Variants in CDON observed in about 807,000 individuals in gnomAD.
CDON encodes the protein cell adhesion associated, oncogene regulated.
CDON carries 73 observed loss-of-function variants against 120.9 expected under a neutral mutation model. That is an observed-to-expected ratio of 0.60 (90% CI 0.50 to 0.73). The LOEUF is 0.73. Ranked by LOEUF, CDON falls within the 30% of genes least tolerant of loss-of-function variation. The pLI is 0.00. For missense variants in CDON, 1,470 were observed against 1,587.3 expected (o/e 0.93, Z 1.26); for synonymous variants, 566 against 573.5 (o/e 0.99, Z 0.19).
intron 18 of CDON, among the ~76,000 whole-genome samples, chr11:125,976,592 TACACACACATGC>T (rs1946155578): frequency 1.6e-5 from 2 of 123,346 alleles, no homozygotes; most frequent in African/African-American, 6.4e-5. Flanking sequence ...AAATACTACA[TACACACACATGC>T]ACACACACAC....
intron 1 of CDON, among the ~76,000 whole-genome samples, chr11:126,029,231 A>G (rs1947884897): frequency 6.6e-6 from 1 of 152,240 alleles, no homozygotes; most frequent in South Asian, 2.1e-4. Flanking sequence ...CTAAAGTTAC[A>G]TAAAAGTAAC....
intron 18 of CDON, among the ~76,000 whole-genome samples, chr11:125,970,171 T>TG (rs1272429228): frequency 3.4e-5 from 4 of 117,146 alleles, no homozygotes; most frequent in East Asian, 6.3e-4. Flanking sequence ...TGGTAGTTTA[T>TG]GTTTTTTTTT....
At chr11:126,018,671 C>T (rs896263321) in intron 4 of CDON, among the ~76,000 whole-genome samples, 198 bp from the exon 5 acceptor site, 30 of 152,074 alleles carry the variant, frequency 2.0e-4, no homozygotes, top group East Asian at 5.8e-4. Context: ...TGGACTCAAG[C>T]GGTCCTCCCA....
intron 14 of CDON, among the ~76,000 whole-genome samples, chr11:125,993,335 G>C (rs1946682103): frequency 6.6e-6 from 1 of 151,968 alleles, no homozygotes; most frequent in Non-Finnish European, 1.5e-5. Flanking sequence ...CAGACTTTAA[G>C]CAAATAGTTT....
chr11:126,020,213 C>T (rs1228156085), intron 3 of CDON, among the ~76,000 whole-genome samples: 3 of 152,088 alleles, frequency 2.0e-5, no homozygotes, highest in Non-Finnish European at 4.4e-5. Context: ...CATAATTATT[C>T]CCATTCAGTC....
At chr11:126,041,017 C>G (rs1948247409) in intron 1 of CDON, among the ~76,000 whole-genome samples, 1 of 150,744 alleles carries the variant, frequency 6.6e-6, no homozygotes, top group East Asian at 2.0e-4. Flanking sequence ...GGTGAAAACC[C>G]GTCTCCACTA....
Position 125,980,163 on chromosome 11 carries a change from G to A in CDON, c.3276+886C>T, listed in dbSNP as rs942587694. ...CTATTTGATCAAAAGTAATATAGAT[G>A]TGCATCCAAACAATGTCATAAATCA... On this transcript the variant is annotated intron_variant, in intron 17 of 19. Coordinates refer to ENST00000531738, the MANE Select transcript of CDON (RefSeq NM_001378964.1). 5.9e-5 allele frequency among the ~76,000 whole-genome samples: 9 copies of A among 152,300 alleles called. 1 individual carries two copies. In the South Asian group the frequency reaches 1.7e-3, roughly 28 times the overall value.
At chr11:125,988,498 C>T (rs1946530882) in intron 15 of CDON, among the ~76,000 whole-genome samples, 1 of 152,166 alleles carries the variant, frequency 6.6e-6, no homozygotes, top group Non-Finnish European at 1.5e-5. Flanking sequence ...GTCTCAGCCT[C>T]CTGAACTAAC....
intron 12 of CDON, 101 bp downstream of exon 12, chr11:125,997,106 T>C: frequency 1.0e-6 from 1 of 960,684 alleles, no homozygotes; most frequent in Non-Finnish European, 1.6e-6. Flanking sequence ...GCCACTGCAC[T>C]CCAGCCTGGG....
chr11:126,030,620 A>C (rs1236774430), intron 1 of CDON, among the ~76,000 whole-genome samples: 1 of 152,210 alleles, frequency 6.6e-6, no homozygotes, highest in Non-Finnish European at 1.5e-5. Context: ...CTCGATTTTC[A>C]AACAATCTAT....
In CDON at chr11:125,958,559, A is replaced by ATGTGTGTGTGTG. The variant is rs1243480667; in HGVS notation, c.*2382_*2383insCACACACACACA. 8 of 76,000 alleles carry ATGTGTGTGTGTG rather than the reference A, an allele frequency of 1.1e-4. No individual in the cohort carries two copies. The highest frequency in any genetic ancestry group is 1.0e-3 in the East Asian group (2 of 1,950). The allele number at this position is 76,000 out of a possible 1,614,324, so 4.7% of individuals were successfully genotyped here. On this transcript the variant is annotated 3_prime_UTR_variant, in exon 20 of 20. Transcript: ENST00000531738. Reference sequence around the variant, plus strand: ...AATATAAAGGCAATTATATATATATATATATATGTGTGTGTGTGTGTGTGT... The same window carrying ATGTGTGTGTGTG: ...AATATAAAGGCAATTATATATATATATGTGTGTGTGTGTATATATGTGTGTGTGTGTGTGTGT...
intron 8 of CDON, among the ~76,000 whole-genome samples, chr11:126,008,890 C>CTG (rs1947208212): frequency 1.3e-5 from 2 of 152,188 alleles, no homozygotes; most frequent in African/African-American, 2.4e-5. Flanking sequence ...CAAGAGATCA[C>CTG]TGTAATTTAA....
At chr11:126,010,282 T>C (rs1353370911) in intron 8 of CDON, 59 bp downstream of exon 8, 3 of 1,156,124 alleles carry the variant, frequency 2.6e-6, no homozygotes, top group Non-Finnish European at 3.7e-6. Context: ...TCAAATCACT[T>C]TATCTTCTAT....
intron 18 of CDON, among the ~76,000 whole-genome samples, chr11:125,962,336 G>A (rs1945668049): frequency 6.6e-6 from 1 of 152,186 alleles, no homozygotes; most frequent in African/African-American, 2.4e-5. Context: ...GAAGGAAAAG[G>A]CCATTAGCTA....
intron 1 of CDON, among the ~76,000 whole-genome samples, chr11:126,027,969 C>CTTTTTTTTTTTTT (rs769832631): frequency 8.0e-6 from 1 of 125,782 alleles, no homozygotes; most frequent in Admixed American, 8.1e-5. Context: ...ATCACTCTGC[C>CTTTTTTTTTTTTT]TTTTTTTTTT....
At chr11:125,979,376 T>C (rs551785983) in intron 17 of CDON, among the ~76,000 whole-genome samples, 1 of 152,326 alleles carries the variant, frequency 6.6e-6, no homozygotes, top group African/African-American at 2.4e-5. Flanking sequence ...AGAACTCTCC[T>C]ATACTATATT....
intron 8 of CDON, among the ~76,000 whole-genome samples, chr11:126,007,400 A>G (rs748219097): frequency 1.3e-5 from 2 of 152,228 alleles, no homozygotes; most frequent in Non-Finnish European, 2.9e-5. Flanking sequence ...TCACTGAGAC[A>G]ACTTCAAAAT....
At chr11:125,987,527 T>C (rs1376440103) in intron 15 of CDON, among the ~76,000 whole-genome samples, 1 of 152,246 alleles carries the variant, frequency 6.6e-6, no homozygotes, top group Non-Finnish European at 1.5e-5. Context: ...TCATTCAATA[T>C]GAATAGTTAA....
At position 126,021,575 on chromosome 11, in the gene CDON, G is replaced by A. The variant is rs543629196; in HGVS notation, c.77-55C>T. On this transcript the variant is annotated intron_variant, in intron 2 of 19. Transcript: ENST00000531738. The stretch of plus-strand genomic sequence containing the variant: ...AAAGCAGGGGAGAAAAGAGGAGAGA[G>A]AAAGAAGATTACATTAAACACATTT... 2.7e-5 allele frequency: 36 copies of A among 1,357,808 alleles called. 1 individual carries two copies. The South Asian group carries it at 3.9e-4, about 15-fold the overall frequency. The allele number at this position is 1,357,808 out of a possible 1,614,324, so 84.1% of individuals were successfully genotyped here. A position where few individuals can be genotyped will look rare whatever the true frequency, so the allele number is the denominator to read the frequency against.
Sources: allele counts gnomAD v4.1 joint callset (sites outside exome capture counted in the v4.1 genomes callset), GRCh38; gene constraint gnomAD v4.1.1; transcripts MANE v1.5; gene names NCBI Gene and HGNC (gene_info 2026-07-23, HGNC 2026-07-21).